The following MMP16 variants were observed in gnomAD, a reference collection of about 807,000 sequenced individuals.
MMP16 encodes the protein matrix metallopeptidase 16.
MMP16 carries 12 observed loss-of-function variants against 67.8 expected under a neutral mutation model. The observed-to-expected ratio is 0.18, with a 90% confidence interval of 0.11 to 0.29. The LOEUF is 0.29. MMP16 is among the 10% of genes least tolerant of loss of function. MMP16 has a pLI of 1.00. For synonymous variants in MMP16, 249 were observed against 255.9 expected, an observed-to-expected ratio of 0.97 and a Z score of 0.26; for missense variants, 475 against 765.7, an observed-to-expected ratio of 0.62 and a Z score of 4.48.
At chr8:88,235,611 G>A (rs1809928382) in intron 1 of MMP16, among the ~76,000 whole-genome samples, 2 of 152,110 alleles carry the variant, frequency 1.3e-5, no homozygotes, top group South Asian at 2.1e-4. Flanking sequence ...AAACAAAAAA[G>A]TGGAAATACA....
At chr8:88,046,070 G>A (rs1317458804) in intron 9 of MMP16, among the ~76,000 whole-genome samples, 1 of 152,132 alleles carries the variant, frequency 6.6e-6, no homozygotes, top group African/African-American at 2.4e-5. Flanking sequence ...AGGGGAGTAT[G>A]GATTATCCCC....
At chr8:88,320,154 CGT>C (rs1491337050) in intron 1 of MMP16, among the ~76,000 whole-genome samples, 1 of 152,014 alleles carries the variant, frequency 6.6e-6, no homozygotes, top group Non-Finnish European at 1.5e-5. Flanking sequence ...TTTTGTGGAT[CGT>C]TTTTTACATA....
chr8:88,316,491 T>C (rs1020431306), intron 1 of MMP16, among the ~76,000 whole-genome samples: 7 of 152,126 alleles, frequency 4.6e-5, no homozygotes, highest in Admixed American at 3.9e-4. Flanking sequence ...GCTCTATCAA[T>C]AGAACAACAA....
rs913727131 is a variant in MMP16 at position 88,033,182 on chromosome 8, T to C, written c.*8279A>G. The C allele has an allele frequency of 6.6e-6, 1 of 151,916 alleles. No individual in the cohort carries two copies. Among genetic ancestry groups the C allele is most frequent in the South Asian group, 2.1e-4 (1 of 4,824 alleles). 9.4% of individuals were successfully genotyped at this position (151,916 alleles called of 1,614,324 possible). A position where few individuals can be genotyped will look rare whatever the true frequency, so the allele number is the denominator to read the frequency against. On this transcript the variant is annotated 3_prime_UTR_variant, in exon 10 of 10. Transcript: ENST00000286614. ...AGAGACAACTTCCCTTTGCAATTACTTGAATCTCATTCTGACTCTGAATGA... is the reference window on the plus strand; with the variant it reads ...AGAGACAACTTCCCTTTGCAATTACCTGAATCTCATTCTGACTCTGAATGA...
In MMP16 at chr8:88,297,313, T is replaced by G. The variant is rs187117440; in HGVS notation, c.132+29762A>C. On this transcript the variant is annotated intron_variant, in intron 1 of 9. Transcript: ENST00000286614. ...AAGGAAGCAGTGCCAACAGCTAGAATAGAAGCCCTGTAGAAGTGTTCTCCC... is the reference window on the plus strand; with the variant it reads ...AAGGAAGCAGTGCCAACAGCTAGAAGAGAAGCCCTGTAGAAGTGTTCTCCC... 2.4e-3 allele frequency among the ~76,000 whole-genome samples: 359 copies of G among 152,266 alleles called. 2 individuals are homozygous for G. The Middle Eastern group carries it at 0.027, about 12-fold the overall frequency.
chr8:88,071,168 A>G (rs1808547026), intron 7 of MMP16, among the ~76,000 whole-genome samples: 1 of 152,142 alleles, frequency 6.6e-6, no homozygotes, highest in African/African-American at 2.4e-5. Flanking sequence ...AATTGTATCT[A>G]ATGGCTTCTC....
intron 1 of MMP16, among the ~76,000 whole-genome samples, chr8:88,273,674 T>TTCTGA (rs1321462126): frequency 6.6e-6 from 1 of 152,194 alleles, no homozygotes; most frequent in African/African-American, 2.4e-5. Flanking sequence ...GAAATATATT[T>TTCTGA]TCTGATTCAA....
intron 1 of MMP16, among the ~76,000 whole-genome samples, chr8:88,315,302 T>C: frequency 6.6e-6 from 1 of 152,202 alleles, no homozygotes; most frequent in East Asian, 1.9e-4. Context: ...TTTCAAGCTT[T>C]TTCATTAGAT....
At chr8:88,299,933 T>C (rs1811071808) in intron 1 of MMP16, among the ~76,000 whole-genome samples, 1 of 152,224 alleles carries the variant, frequency 6.6e-6, no homozygotes, top group Admixed American at 6.5e-5. Flanking sequence ...ACATTTACTT[T>C]TTGTGTGTGC....
At chr8:88,288,780 G>A (rs1810873973) in intron 1 of MMP16, among the ~76,000 whole-genome samples, 1 of 151,972 alleles carries the variant, frequency 6.6e-6, no homozygotes, top group Non-Finnish European at 1.5e-5. Context: ...TATTTTCTAG[G>A]ACTTTAGCTC....
Position 88,040,785 on chromosome 8 carries a change from T to G in MMP16, c.*676A>C, listed in dbSNP as rs1314814105. 1.3e-5 allele frequency: 2 copies of G among 152,644 alleles called. No individual in the cohort carries two copies. Among genetic ancestry groups the G allele is most frequent in the Non-Finnish European group, 2.9e-5 (2 of 68,048 alleles). 9.5% of individuals were successfully genotyped at this position (152,644 alleles called of 1,614,324 possible). Reference sequence around the variant, plus strand: ...TGTATTATTAAGGCTGTTACTATATTGCAGATATTTTGGCCCCTTGGTTGT... The same window carrying G: ...TGTATTATTAAGGCTGTTACTATATGGCAGATATTTTGGCCCCTTGGTTGT... On this transcript the variant is annotated 3_prime_UTR_variant, in exon 10 of 10. Coordinates refer to ENST00000286614, the MANE Select transcript of MMP16 (RefSeq NM_005941.5).
intron 3 of MMP16, among the ~76,000 whole-genome samples, chr8:88,174,696 A>T (rs754886679): frequency 4.0e-5 from 6 of 151,850 alleles, no homozygotes; most frequent in Non-Finnish European, 8.8e-5. Flanking sequence ...GAGAATGCTT[A>T]GCTTTAATCT....
At chr8:88,238,874 C>T (rs1000398606) in intron 1 of MMP16, among the ~76,000 whole-genome samples, 14 of 151,920 alleles carry the variant, frequency 9.2e-5, no homozygotes, top group Non-Finnish European at 1.8e-4. Flanking sequence ...CCTGTAATCC[C>T]ACCACTTTGG....
rs1378576633 is a variant in MMP16, at chr8:88,039,987, G to A, written c.*1474C>T. On this transcript the variant is annotated 3_prime_UTR_variant, in exon 10 of 10. Coordinates refer to ENST00000286614, the MANE Select transcript of MMP16 (RefSeq NM_005941.5). This position sits in a 1 kb window ranked among gnomAD's most constrained non-coding sequence, Gnocchi z 4.5. Reference sequence around the variant, plus strand: ...ACACTAACCCTTTGAGAACTATGGTGGACATGCAATAGGTAATGCACTGGA... The same window carrying A: ...ACACTAACCCTTTGAGAACTATGGTAGACATGCAATAGGTAATGCACTGGA... The A allele has an allele frequency of 1.3e-5, 2 of 152,596 alleles. No homozygotes were observed. Among genetic ancestry groups the A allele is most frequent in the Non-Finnish European group, 2.9e-5 (2 of 68,036 alleles). The allele number at this position is 152,596 out of a possible 1,614,324, so 9.5% of individuals were successfully genotyped here.
At chr8:88,153,519 T>C (rs1365621053) in intron 4 of MMP16, among the ~76,000 whole-genome samples, 1 of 151,944 alleles carries the variant, frequency 6.6e-6, no homozygotes, top group Non-Finnish European at 1.5e-5. Flanking sequence ...AAAACAGAGA[T>C]ATAGATCAAT....
intron 1 of MMP16, among the ~76,000 whole-genome samples, chr8:88,225,906 C>CTG (rs147523164): frequency 8.6e-5 from 13 of 151,656 alleles, no homozygotes; most frequent in Non-Finnish European, 1.3e-4. Flanking sequence ...GAAAATTAAC[C>CTG]TGTGTGTGTG....
At position 88,062,696 on chromosome 8, in the gene MMP16, T is replaced by C. The variant is rs187791464; in HGVS notation, c.1223-6418A>G. Among the ~76,000 whole-genome samples the C allele has an allele frequency of 5.4e-3, 828 of 152,038 alleles. 7 individuals carry two copies. Among genetic ancestry groups the C allele is most frequent in the African/African-American group, 0.019 (782 of 41,474 alleles). On this transcript the variant is annotated intron_variant, in intron 7 of 9. Coordinates refer to ENST00000286614, the MANE Select transcript of MMP16 (RefSeq NM_005941.5). ...TGGGGAGGGATAGCATTAGGAGATATACCTAATGTAAATGACGAGTTAATG... is the reference window on the plus strand; with the variant it reads ...TGGGGAGGGATAGCATTAGGAGATACACCTAATGTAAATGACGAGTTAATG...
At chr8:88,238,181 G>A (rs1176066331) in intron 1 of MMP16, among the ~76,000 whole-genome samples, 1 of 152,092 alleles carries the variant, frequency 6.6e-6, no homozygotes, top group Non-Finnish European at 1.5e-5. Flanking sequence ...TCAATGTCAT[G>A]TATAAGGGGA....
At chr8:88,213,413 A>G (rs1175698116) in intron 1 of MMP16, among the ~76,000 whole-genome samples, 2 of 152,198 alleles carry the variant, frequency 1.3e-5, no homozygotes, top group African/African-American at 4.8e-5. Flanking sequence ...ACCGTATTCA[A>G]TATTTAATGT....
Sources: allele counts gnomAD v4.1 joint callset (sites outside exome capture counted in the v4.1 genomes callset), GRCh38; gene constraint gnomAD v4.1.1; non-coding constraint Gnocchi (gnomAD v3.1); transcripts MANE v1.5; gene names NCBI Gene and HGNC (gene_info 2026-07-23, HGNC 2026-07-21).